FGF1: variants seen among roughly 807,000 people sequenced by gnomAD.
FGF1 encodes fibroblast growth factor 1.
A neutral mutation model predicts 13.4 loss-of-function variants in FGF1; 9 were observed. That is an observed-to-expected ratio of 0.67 (90% CI 0.40 to 1.17). FGF1 has a LOEUF of 1.17. Ranked by LOEUF, FGF1 falls within the 50% of genes most tolerant of loss-of-function variation. The pLI is 0.01. For missense variants in FGF1, 156 were observed against 192.7 expected, an observed-to-expected ratio of 0.81 and a Z score of 1.13; for synonymous variants, 93 against 79.0, an observed-to-expected ratio of 1.18 and a Z score of -0.94.
At chr5:142,597,265 G>T (rs1347448478) in intron 3 of FGF1, among the ~76,000 whole-genome samples, 1 of 152,220 alleles carries the variant, frequency 6.6e-6, no homozygotes, top group Non-Finnish European at 1.5e-5. Flanking sequence ...ACCCCTAGGA[G>T]ATGGTTGAGT....
At position 142,659,181 on chromosome 5, in the gene FGF1, AT is replaced by A. The variant is rs151016104; in HGVS notation, c.-35+26775del. ...TTTTTTTTACAAATAAAAGATAATA[AT>A]TTTTTTTGTATTTTTCTTTGATAAA... On this transcript the variant is annotated intron_variant, in intron 1 of 3. Transcript: ENST00000337706. 2.0e-5 allele frequency among the ~76,000 whole-genome samples: 3 copies of A among 147,512 alleles called. No individual in the cohort carries two copies. In the East Asian group the frequency reaches 5.9e-4, roughly 29 times the overall value.
chr5:142,678,678 C>T (rs888696560), intron 1 of FGF1, among the ~76,000 whole-genome samples: 2 of 152,188 alleles, frequency 1.3e-5, no homozygotes, highest in Non-Finnish European at 2.9e-5. Flanking sequence ...TCTGAATGCA[C>T]GCCTGCTCCT....
intron 1 of FGF1, among the ~76,000 whole-genome samples, chr5:142,645,216 G>A (rs1561650671): frequency 2.0e-5 from 3 of 152,194 alleles, no homozygotes; most frequent in Admixed American, 1.3e-4. Flanking sequence ...AATGGAGTGA[G>A]TATTCCCTGA....
chr5:142,685,384 G>A (rs1260220425), intron 1 of FGF1: 2 of 152,190 alleles, frequency 1.3e-5, no homozygotes, highest in African/African-American at 4.8e-5. Flanking sequence ...ATATCAAAAG[G>A]TTAATAAAAT....
chr5:142,616,427 ACTTCG>A (rs1308879786), intron 1 of FGF1, among the ~76,000 whole-genome samples: 8 of 152,216 alleles, frequency 5.3e-5, no homozygotes, highest in Admixed American at 2.0e-4. Flanking sequence ...ATATGGTGAA[ACTTCG>A]ATTAATTCTT....
intron 1 of FGF1, among the ~76,000 whole-genome samples, chr5:142,668,772 T>G (rs942292422): frequency 6.6e-5 from 10 of 152,242 alleles, no homozygotes; most frequent in Admixed American, 3.9e-4. Context: ...TTATTTTTGT[T>G]GTGATTATTC....
At chr5:142,691,421 C>A (rs1427763670) in intron 2 of FGF1, among the ~76,000 whole-genome samples, 1 of 128,484 alleles carries the variant, frequency 7.8e-6, no homozygotes, top group African/African-American at 3.0e-5. Flanking sequence ...GACTCTGTCT[C>A]AAATAAAATA....
intron 1 of FGF1, among the ~76,000 whole-genome samples, chr5:142,633,565 C>T (rs367896086): frequency 4.6e-5 from 7 of 152,190 alleles, no homozygotes; most frequent in African/African-American, 1.7e-4. Flanking sequence ...AATTTCCCTG[C>T]ACCCATTTTT....
intron 2 of FGF1, among the ~76,000 whole-genome samples, chr5:142,694,194 C>G: frequency 7.1e-6 from 1 of 139,932 alleles, no homozygotes; most frequent in East Asian, 2.5e-4. Flanking sequence ...ACCATCATAA[C>G]CTCATGGAGA....
intron 1 of FGF1, among the ~76,000 whole-genome samples, chr5:142,659,231 G>GTTTT (rs11340338): frequency 7.6e-6 from 1 of 131,352 alleles, no homozygotes; most frequent in Admixed American, 7.5e-5. Flanking sequence ...TCTTGCGTCA[G>GTTTT]TTTTTTTTTT....
chr5:142,659,860 G>T (rs1309416458), intron 1 of FGF1, among the ~76,000 whole-genome samples: 2 of 152,198 alleles, frequency 1.3e-5, no homozygotes, highest in Non-Finnish European at 2.9e-5. Context: ...AAAGATGACA[G>T]GGAACATGCC....
At chr5:142,609,958 A>C (rs1034262424) in intron 2 of FGF1, among the ~76,000 whole-genome samples, 2 of 152,164 alleles carry the variant, frequency 1.3e-5, no homozygotes, top group African/African-American at 4.8e-5. Context: ...AGATGTGTTT[A>C]TTGAATCAGT....
intron 2 of FGF1, among the ~76,000 whole-genome samples, chr5:142,605,660 C>T (rs1405568488): frequency 6.6e-6 from 1 of 152,080 alleles, no homozygotes; most frequent in Non-Finnish European, 1.5e-5. Context: ...GGTGAGAGTT[C>T]GTCTCAAAAG....
chr5:142,690,608 T>C (rs1470614538), upstream of FGF1, among the ~76,000 whole-genome samples: 1 of 152,222 alleles, frequency 6.6e-6, no homozygotes, highest in Non-Finnish European at 1.5e-5. Context: ...GTTTGCACAT[T>C]GGTCTAGTTC....
At chr5:142,683,288 G>A (rs1774060499) in intron 1 of FGF1, among the ~76,000 whole-genome samples, 1 of 152,170 alleles carries the variant, frequency 6.6e-6, no homozygotes, top group Non-Finnish European at 1.5e-5. Flanking sequence ...AGTGTCAGAG[G>A]CGTTCGAACC....
upstream of FGF1, among the ~76,000 whole-genome samples, chr5:142,688,820 A>G (rs1357153576): frequency 6.6e-6 from 1 of 152,216 alleles, no homozygotes; most frequent in African/African-American, 2.4e-5. Context: ...ATCCTAACAG[A>G]TGGACTCAAT....
chr5:142,606,685 T>A (rs1757770588), intron 2 of FGF1, among the ~76,000 whole-genome samples: 1 of 152,128 alleles, frequency 6.6e-6, no homozygotes, highest in Non-Finnish European at 1.5e-5. Context: ...TAGTAAAATA[T>A]AAAACTGTGC....
At chr5:142,631,709 G>A (rs910273629) in intron 1 of FGF1, among the ~76,000 whole-genome samples, 3 of 151,560 alleles carry the variant, frequency 2.0e-5, no homozygotes, top group African/African-American at 7.3e-5. Flanking sequence ...CAATACAGGT[G>A]CACTGCCTTC....
chr5:142,673,252 G>C (rs1328858759), intron 1 of FGF1, among the ~76,000 whole-genome samples: 1 of 152,158 alleles, frequency 6.6e-6, no homozygotes, highest in African/African-American at 2.4e-5. Context: ...TTGAGAATTT[G>C]GGCCTTTTCT....
Sources: gnomAD v4.1 joint callset for allele counts (sites outside exome capture counted in the v4.1 genomes callset) on GRCh38, gnomAD v4.1.1 for gene constraint, MANE v1.5 for transcripts, NCBI Gene and HGNC (gene_info 2026-07-23, HGNC 2026-07-21) for gene names.